The following LRRC15 variants were observed in gnomAD, a reference collection of about 807,000 sequenced individuals.
LRRC15 encodes leucine rich repeat containing 15.
A neutral mutation model predicts 4.3 loss-of-function variants in LRRC15; 5 were observed. The ratio of observed to expected loss-of-function variants is 1.16; its 90% CI spans 0.61 to 2.44. The LOEUF is 2.44. Ranked by LOEUF, LRRC15 falls within the 30% of genes most tolerant of loss-of-function variation. The probability of loss-of-function intolerance (pLI) is 0.01; values close to 1 mark genes in which losing one functional copy is unlikely to be tolerated. For missense variants in LRRC15, 769 were observed against 747.0 expected (o/e 1.03, Z -0.34); for synonymous variants, 337 against 323.2 (o/e 1.04, Z -0.46).
chr3:194,365,546 T>G (rs1182470746), intron 1 of LRRC15, among the ~76,000 whole-genome samples: 2 of 152,094 alleles, frequency 1.3e-5, no homozygotes, highest in Non-Finnish European at 2.9e-5. Context: ...TAAGTTGAAG[T>G]GTGAGCTTAG....
At chr3:194,365,234 G>A (rs962787404) in intron 1 of LRRC15, among the ~76,000 whole-genome samples, 1 of 152,206 alleles carries the variant, frequency 6.6e-6, no homozygotes, top group Non-Finnish European at 1.5e-5. Flanking sequence ...ACAAACCGAA[G>A]GACAGCCTGA....
chr3:194,365,510 G>A (rs1713751065), intron 1 of LRRC15, among the ~76,000 whole-genome samples: 1 of 152,198 alleles, frequency 6.6e-6, no homozygotes, highest in Non-Finnish European at 1.5e-5. Context: ...GAGGCTGGAA[G>A]ACCAGCGTTC....
At position 194,360,327 on chromosome 3, in the gene LRRC15, A is replaced by C; in HGVS notation, c.717T>G (p.Gly239=). The part of the protein sequence containing the change: ...QQNQIGLLSP[G]LFHNNHNLQR... ...GGAGGTTGTGGTTGTTGTGGAAGAG[A>C]CCAGGGGAGAGCAGTCCAATCTGGT... The change falls in exon 2 of 2, where the codon GGT becomes GGG. Residue 239 remains glycine, a synonymous_variant. Transcript: ENST00000347624. The C allele has an allele frequency of 6.2e-7, 1 of 1,614,014 alleles. No individual in the cohort carries two copies. The highest frequency in any genetic ancestry group is 8.5e-7 in the Non-Finnish European group (1 of 1,179,986).
intron 1 of LRRC15, among the ~76,000 whole-genome samples, chr3:194,363,811 A>G (rs183766042): frequency 6.6e-6 from 1 of 152,218 alleles, no homozygotes; most frequent in Non-Finnish European, 1.5e-5. Context: ...GAACTGTGTC[A>G]GCACCCTAAG....
rs1713465938 is a variant in LRRC15 at position 194,357,462 on chromosome 3, G to C, written c.*1836C>G. The C allele has an allele frequency of 6.6e-6, 1 of 152,182 alleles. No individual in the cohort carries two copies. Among genetic ancestry groups the C allele is most frequent in the African/African-American group, 2.4e-5 (1 of 41,432 alleles). 9.4% of individuals were successfully genotyped at this position (152,182 alleles called of 1,614,324 possible). On this transcript the variant is annotated 3_prime_UTR_variant, in exon 2 of 2. Coordinates refer to ENST00000347624, the MANE Select transcript of LRRC15 (RefSeq NM_130830.5). ...CTTTCCTGGGCAGACGTGGAGACCTGAAATTCTCCATTTCACTGTAAACTG... is the reference window on the plus strand; with the variant it reads ...CTTTCCTGGGCAGACGTGGAGACCTCAAATTCTCCATTTCACTGTAAACTG...
At chr3:194,364,139 T>TG (rs1429361508) in intron 1 of LRRC15, among the ~76,000 whole-genome samples, 1 of 152,128 alleles carries the variant, frequency 6.6e-6, no homozygotes, top group Non-Finnish European at 1.5e-5. Flanking sequence ...CTCCCATGCC[T>TG]GGTAGGGTAT....
chr3:194,369,203 C>T (rs2108661521), intron 1 of LRRC15, among the ~76,000 whole-genome samples: 1 of 152,380 alleles, frequency 6.6e-6, no homozygotes, highest in Middle Eastern at 3.4e-3. Context: ...CGGGGCAGAC[C>T]ACTGGGAGCC....
In LRRC15 at chr3:194,360,738, C is replaced by T. The variant is rs767031758; in HGVS notation, c.306G>A (p.Ser102=). ...ITPGAFRNLG[S]LRYLSLANNK... is the part of the protein sequence containing the mutation. Reference sequence around the variant, plus strand: ...TGTTGGCGAGGCTGAGATAGCGCAGCGAGCCCAGGTTTCGGAAGGCCCCAG... The same window carrying T: ...TGTTGGCGAGGCTGAGATAGCGCAGTGAGCCCAGGTTTCGGAAGGCCCCAG... The change falls in exon 2 of 2, where the codon TCG becomes TCA. Residue 102 remains serine, a synonymous_variant. Transcript: ENST00000347624. 1.9e-5 allele frequency: 31 copies of T among 1,614,190 alleles called. No individual in the cohort carries two copies. Among genetic ancestry groups the T allele is most frequent in the Middle Eastern group, 1.6e-4 (1 of 6,062 alleles).
chr3:194,360,297 T>G lies in LRRC15; in HGVS notation c.747A>C (p.Arg249Ser). ...GLFHNNHNLQ[R>S]LYLSNNHISQ... ...AGATGTGGTTGTTGGACAGGTAGAG[T>G]CTCTGGAGGTTGTGGTTGTTGTGGA... The change falls in exon 2 of 2, where the codon AGA (arginine) becomes AGC (serine). Residue 249 changes from arginine to serine, a missense_variant. Transcript: ENST00000347624. The G allele has an allele frequency of 6.2e-7, 1 of 1,613,480 alleles. No homozygotes were observed. Among genetic ancestry groups the G allele is most frequent in the Non-Finnish European group, 8.5e-7 (1 of 1,179,878 alleles).
At chr3:194,361,238 T>A (rs1490117852) in intron 1 of LRRC15, among the ~76,000 whole-genome samples, 192 bp from the exon 2 acceptor site, 2 of 152,274 alleles carry the variant, frequency 1.3e-5, no homozygotes, top group African/African-American at 4.8e-5. Context: ...TCCATGCCTT[T>A]GCCCAGGCAA....
In LRRC15 at chr3:194,361,057, G is replaced by C; in HGVS notation, c.-3-11C>G. 6.7e-7 allele frequency: 1 copy of C among 1,495,794 alleles called. No individual in the cohort carries two copies. The allele number at this position is 1,495,794 out of a possible 1,614,324, so 92.7% of individuals were successfully genotyped here. On this transcript the variant is annotated splice_polypyrimidine_tract_variant and intron_variant, in intron 1 of 1. Coordinates refer to ENST00000347624, the MANE Select transcript of LRRC15 (RefSeq NM_130830.5). ...CTTCAGTGGCATAGCCTGTGCAAGG[G>C]GAGAGAGCACACGTTAGTCAGGGTC...
At chr3:194,362,282 T>C (rs576035393) in intron 1 of LRRC15, among the ~76,000 whole-genome samples, 1 of 152,178 alleles carries the variant, frequency 6.6e-6, no homozygotes, top group East Asian at 1.9e-4. Flanking sequence ...GAAGAGGGGA[T>C]GGTAACTCCC....
rs986017489 is a variant in LRRC15, at chr3:194,361,128, C to T, written c.-3-82G>A. 1.1e-4 allele frequency: 139 copies of T among 1,232,686 alleles called. No individual in the cohort carries two copies. The East Asian group carries it at 1.2e-3, about 10-fold the overall frequency. 76.4% of individuals were successfully genotyped at this position (1,232,686 alleles called of 1,614,324 possible). On this transcript the variant is annotated intron_variant, in intron 1 of 1. Coordinates refer to ENST00000347624, the MANE Select transcript of LRRC15 (RefSeq NM_130830.5). ...TTTTAAGCCAACATCAACTCCAGTG[C>T]CAATGCTGGCTTGGCTTTGAACCCC...
chr3:194,366,712 A>G (rs1713790386), intron 1 of LRRC15, among the ~76,000 whole-genome samples: 3 of 152,180 alleles, frequency 2.0e-5, no homozygotes, highest in South Asian at 2.1e-4. Flanking sequence ...TGAACCTGGC[A>G]ATAGAAGCTG....
intron 1 of LRRC15, among the ~76,000 whole-genome samples, chr3:194,365,447 C>T (rs942937759): frequency 2.0e-5 from 3 of 152,152 alleles, no homozygotes; most frequent in African/African-American, 7.2e-5. Context: ...CACGAGGTTT[C>T]CTGGAAGGAG....
intron 1 of LRRC15, among the ~76,000 whole-genome samples, chr3:194,362,007 C>T (rs963703884): frequency 6.6e-6 from 1 of 152,148 alleles, no homozygotes; most frequent in African/African-American, 2.4e-5. Flanking sequence ...TCCAGGAAAC[C>T]TACTGAGATG....
At chr3:194,362,667 G>A (rs1041895212) in intron 1 of LRRC15, among the ~76,000 whole-genome samples, 4 of 152,174 alleles carry the variant, frequency 2.6e-5, no homozygotes, top group Non-Finnish European at 5.9e-5. Context: ...TGTTAATGCT[G>A]TGTCTCCCTT....
rs1713397631 is a variant in LRRC15 at position 194,355,410 on chromosome 3, G to A, written c.*3888C>T. Reference sequence around the variant, plus strand: ...CATCGCCAAGCACTGGGGCTGATTTGCAGTAATTCTCTAAGCAAGGCAAAC... The same window carrying A: ...CATCGCCAAGCACTGGGGCTGATTTACAGTAATTCTCTAAGCAAGGCAAAC... On this transcript the variant is annotated 3_prime_UTR_variant, in exon 2 of 2. Coordinates refer to ENST00000347624, the MANE Select transcript of LRRC15 (RefSeq NM_130830.5). 1 of 152,252 alleles carries A rather than the reference G, an allele frequency of 6.6e-6. No homozygotes were observed. The highest frequency in any genetic ancestry group is 2.4e-5 in the African/African-American group (1 of 41,460). The allele number at this position is 152,252 out of a possible 1,614,324, so 9.4% of individuals were successfully genotyped here.
chr3:194,365,436 A>G (rs1282447673), intron 1 of LRRC15, among the ~76,000 whole-genome samples: 1 of 152,192 alleles, frequency 6.6e-6, no homozygotes, highest in Non-Finnish European at 1.5e-5. Flanking sequence ...CATTCCCTGA[A>G]CACGAGGTTT....
Sources: allele counts gnomAD v4.1 joint callset (sites outside exome capture counted in the v4.1 genomes callset), GRCh38; gene constraint gnomAD v4.1.1; transcripts MANE v1.5; gene names NCBI Gene and HGNC (gene_info 2026-07-23, HGNC 2026-07-21).